EYS: variants seen among roughly 807,000 people sequenced by gnomAD.
The protein encoded by EYS is protein eyes shut homolog.
Under a neutral mutation model 282.1 loss-of-function variants are expected in EYS, and 250 were observed. The observed-to-expected ratio is 0.89, with a 90% CI of 0.80 to 0.98. EYS has a LOEUF of 0.98. EYS is among the 50% of genes least tolerant of loss of function. The probability of loss-of-function intolerance (pLI) is 0.00; values close to 1 mark genes in which losing one functional copy is unlikely to be tolerated. For missense variants in EYS, 4,016 were observed against 3,709.0 expected (o/e 1.08, Z -2.15); for synonymous variants, 1,355 against 1,282.9 (o/e 1.06, Z -1.20).
chr6:65,381,606 T>C (rs535564062), intron 8 of EYS, among the ~76,000 whole-genome samples: 181 of 152,124 alleles, frequency 1.2e-3, no homozygotes, highest in Non-Finnish European at 1.5e-3. Context: ...TTACATTCAG[T>C]ACATCTATCC....
intron 31 of EYS, among the ~76,000 whole-genome samples, chr6:64,162,688 C>G (rs950494653): frequency 4.6e-5 from 7 of 152,056 alleles, no homozygotes; most frequent in Non-Finnish European, 8.8e-5. Context: ...TCTCTGGTCC[C>G]CTTGTTTCTC....
chr6:64,060,130 A>G (rs1186225015), intron 33 of EYS, among the ~76,000 whole-genome samples: 1 of 152,190 alleles, frequency 6.6e-6, no homozygotes, highest in Non-Finnish European at 1.5e-5. Context: ...AGGCTCTCAC[A>G]TAGTTTCCTG....
chr6:65,148,073 G>A (rs1318662527), intron 12 of EYS, among the ~76,000 whole-genome samples: 1 of 152,018 alleles, frequency 6.6e-6, no homozygotes, highest in Non-Finnish European at 1.5e-5. Flanking sequence ...TGAGCGCATA[G>A]GCAAACCATG....
At chr6:64,636,566 C>T (rs1224747216) in intron 22 of EYS, among the ~76,000 whole-genome samples, 6 of 152,050 alleles carry the variant, frequency 3.9e-5, no homozygotes, top group African/African-American at 1.4e-4. Context: ...AAAGCAATGG[C>T]AACAAAAGCC....
At chr6:65,396,282 C>T (rs1247140607) in intron 7 of EYS, among the ~76,000 whole-genome samples, 1 of 152,126 alleles carries the variant, frequency 6.6e-6, no homozygotes, top group Non-Finnish European at 1.5e-5. Context: ...ATAACTACAT[C>T]ATCTTCTCAA....
At chr6:63,783,149 A>G (rs116751410) in intron 39 of EYS, among the ~76,000 whole-genome samples, 1,839 of 152,300 alleles carry the variant, frequency 0.012, 30 homozygotes, top group African/African-American at 0.042. Context: ...GGTTGTTAAT[A>G]AATCTGAATC....
intron 19 of EYS, among the ~76,000 whole-genome samples, chr6:64,828,270 C>T (rs569191298): frequency 2.9e-4 from 44 of 151,876 alleles, no homozygotes; most frequent in African/African-American, 1.0e-3. Flanking sequence ...AGAATAATAT[C>T]AAAGTTTCTA....
chr6:64,004,659 T>A (rs1474560908), intron 33 of EYS, among the ~76,000 whole-genome samples: 1 of 152,138 alleles, frequency 6.6e-6, no homozygotes, highest in Non-Finnish European at 1.5e-5. Context: ...CTTCTTTGTG[T>A]TCCCTTTGAG....
chr6:64,522,495 A>G (rs1427916524), intron 26 of EYS, among the ~76,000 whole-genome samples: 1 of 151,702 alleles, frequency 6.6e-6, no homozygotes, highest in African/African-American at 2.4e-5. Context: ...AGGGAATCCT[A>G]GGTGGTGTTC....
At chr6:65,584,899 A>T (rs5876973) in intron 2 of EYS, among the ~76,000 whole-genome samples, 44 of 129,238 alleles carry the variant, frequency 3.4e-4, no homozygotes, top group African/African-American at 1.0e-3. Context: ...TATATATATT[A>T]TATATATATA....
chr6:65,479,172 G>C (rs1382070134), intron 5 of EYS, among the ~76,000 whole-genome samples: 1 of 151,860 alleles, frequency 6.6e-6, no homozygotes, highest in Admixed American at 6.6e-5. Context: ...AAAATGAATA[G>C]AGCCTCAGTG....
At chr6:65,079,181 G>T (rs774866112) in intron 12 of EYS, among the ~76,000 whole-genome samples, 3 of 151,910 alleles carry the variant, frequency 2.0e-5, no homozygotes, top group African/African-American at 7.2e-5. Context: ...AATTGATCTC[G>T]ATATCAAGAA....
intron 19 of EYS, among the ~76,000 whole-genome samples, chr6:64,858,615 T>C (rs573612897): frequency 1.8e-4 from 28 of 152,286 alleles, no homozygotes; most frequent in African/African-American, 6.5e-4. Flanking sequence ...TAAGATAATT[T>C]TTTTATTTTC....
Position 64,436,211 on chromosome 6 carries a change from T to C in EYS, c.5890A>G (p.Arg1964Gly), listed in dbSNP as rs1285298055. The change falls in exon 28 of 43, where the codon AGA becomes GGA. Residue 1964 changes from arginine (R) to glycine (G), a missense_variant. Physicochemically the swap from Arg to Gly is moderately radical, Grantham distance 125. Transcript: ENST00000503581. ...AKFKSINTTVRVDNGQKYTLL... is the reference protein window; with the variant it reads ...AKFKSINTTVGVDNGQKYTLL... ...GTATACTTTTGCCCGTTGTCCACTC[T>C]AACAGTAGTATTAATGCTTTTAAAT... 6.5e-7 allele frequency: 1 copy of C among 1,545,192 alleles called. No homozygotes were observed. Among genetic ancestry groups the C allele is most frequent in the African/African-American group, 1.4e-5 (1 of 72,988 alleles).
chr6:63,760,172 T>C (rs889521456), intron 41 of EYS, among the ~76,000 whole-genome samples: 2 of 152,080 alleles, frequency 1.3e-5, no homozygotes, highest in African/African-American at 4.8e-5. Flanking sequence ...ACTTGCTATA[T>C]GTCATTGGTG....
intron 30 of EYS, among the ~76,000 whole-genome samples, chr6:64,243,489 G>C (rs1433500232): frequency 6.6e-6 from 1 of 152,098 alleles, no homozygotes; most frequent in East Asian, 1.9e-4. Flanking sequence ...AGGTCCCCTT[G>C]GGTGTCACAC....
At position 65,369,327 on chromosome 6, in the gene EYS, TA is replaced by T. The variant is rs1381081014; in HGVS notation, c.1299+15058del. Among the ~76,000 whole-genome samples, 404 of 143,012 alleles carry T rather than the reference TA, an allele frequency of 2.8e-3. 5 individuals are homozygous for T. Among genetic ancestry groups the T allele is most frequent in the African/African-American group, 9.8e-3 (387 of 39,436 alleles). 93.8% of individuals were successfully genotyped at this position (143,012 alleles called of 152,430 possible). The stretch of plus-strand genomic sequence containing the variant: ...GTATAATATATATATTATATATATA[TA>T]TTTATATATATATATATCTCATTCT... On this transcript the variant is annotated intron_variant, in intron 8 of 42. Coordinates refer to ENST00000503581, the MANE Select transcript of EYS (RefSeq NM_001142800.2).
chr6:64,983,810 G>A (rs1770761561), intron 14 of EYS, among the ~76,000 whole-genome samples: 1 of 151,062 alleles, frequency 6.6e-6, no homozygotes, highest in Admixed American at 6.6e-5. Flanking sequence ...ATAATCTCCT[G>A]TACGCTAGTC....
At chr6:64,972,734 T>C (rs1379259055) in intron 14 of EYS, among the ~76,000 whole-genome samples, 1 of 152,116 alleles carries the variant, frequency 6.6e-6, no homozygotes, top group African/African-American at 2.4e-5. Context: ...AGTTGGCTAT[T>C]AGTAATTGTT....
Sources: allele counts gnomAD v4.1 joint callset (sites outside exome capture counted in the v4.1 genomes callset), GRCh38; gene constraint gnomAD v4.1.1; transcripts MANE v1.5; gene names NCBI Gene and HGNC (gene_info 2026-07-23, HGNC 2026-07-21).